CHAF1B: variants seen among roughly 807,000 people sequenced by gnomAD.
CHAF1B encodes the protein chromatin assembly factor 1 subunit B.
In CHAF1B, 10 loss-of-function variants were observed where a neutral mutation model predicts 60.7. The observed-to-expected ratio is 0.16, with a 90% CI of 0.10 to 0.28. The LOEUF is 0.28. CHAF1B is among the 10% of genes least tolerant of loss of function. CHAF1B has a pLI of 1.00. For synonymous variants in CHAF1B, 261 were observed against 266.1 expected, an observed-to-expected ratio of 0.98 and a Z score of 0.19; for missense variants, 558 against 708.4, an observed-to-expected ratio of 0.79 and a Z score of 2.41.
At position 36,409,430 on chromosome 21, in the gene CHAF1B, C is replaced by T. The variant is rs1365057449; in HGVS notation, c.884C>T (p.Pro295Leu). 6.2e-7 allele frequency: 1 copy of T among 1,613,798 alleles called. No individual in the cohort carries two copies. Reference sequence around the variant, plus strand: ...GCCACTCTTGCTGTTCGCTGCTGTCCGGTCTACTTTGAACTGAGGCCAGTG... The same window carrying T: ...GCCACTCTTGCTGTTCGCTGCTGTCTGGTCTACTTTGAACTGAGGCCAGTG... ...GKATLAVRCC[P>L]VYFELRPVVE... is the part of the protein sequence containing the mutation. The change falls in exon 10 of 14, where the codon CCG (proline) becomes CTG (leucine). Residue 295 changes from proline to leucine, a missense_variant. This residue lies in a region of CHAF1B where 325 missense variants were observed against 493.5 expected (regional missense o/e 0.66). Transcript: ENST00000314103.
At chr21:36,404,778 C>G (rs936303840) in intron 8 of CHAF1B, among the ~76,000 whole-genome samples, 6 of 101,824 alleles carry the variant, frequency 5.9e-5, no homozygotes, top group African/African-American at 2.3e-4. Context: ...GAGTCTCGCT[C>G]TGTCACCCAG....
intron 3 of CHAF1B, 88 bp downstream of exon 3, chr21:36,387,818 T>C: frequency 7.1e-7 from 1 of 1,408,742 alleles, no homozygotes; most frequent in Admixed American, 2.1e-5. Context: ...GAGCTGGATA[T>C]GCTTTTTTTT....
At chr21:36,393,019 G>A (rs923430790) in intron 4 of CHAF1B, among the ~76,000 whole-genome samples, 1 of 152,174 alleles carries the variant, frequency 6.6e-6, no homozygotes, top group Non-Finnish European at 1.5e-5. Context: ...AGACCAGCCC[G>A]GCCAACACAG....
chr21:36,406,273 A>C (rs1424151159), intron 8 of CHAF1B, among the ~76,000 whole-genome samples: 1 of 152,160 alleles, frequency 6.6e-6, no homozygotes, highest in Non-Finnish European at 1.5e-5. Flanking sequence ...GGAAGTGTTG[A>C]GATTGGACAA....
At chr21:36,395,078 A>G (rs1476144561) in intron 5 of CHAF1B, among the ~76,000 whole-genome samples, 1 of 149,806 alleles carries the variant, frequency 6.7e-6, no homozygotes, top group Non-Finnish European at 1.5e-5. Flanking sequence ...TTGGAGACGG[A>G]GTTTCGCTCT....
intron 11 of CHAF1B, among the ~76,000 whole-genome samples, chr21:36,412,276 C>G (rs547901182): frequency 6.6e-6 from 1 of 152,340 alleles, no homozygotes; most frequent in East Asian, 1.9e-4. Flanking sequence ...GTGCCCCAAG[C>G]TGGGCCTGTG....
Position 36,416,446 on chromosome 21 carries a change from C to T in CHAF1B, c.*80C>T, listed in dbSNP as rs2086320608. On this transcript the variant is annotated 3_prime_UTR_variant, in exon 14 of 14. Coordinates refer to ENST00000314103, the MANE Select transcript of CHAF1B (RefSeq NM_005441.3). ...CGGTAAAGCTGGAGGTGCCTGAGACCAGGGCTTCCATGGAGCGGGACACAC... is the reference window on the plus strand; with the variant it reads ...CGGTAAAGCTGGAGGTGCCTGAGACTAGGGCTTCCATGGAGCGGGACACAC... 2.7e-6 allele frequency: 3 copies of T among 1,128,580 alleles called. No homozygotes were observed. The highest frequency in any genetic ancestry group is 3.9e-6 in the Non-Finnish European group (3 of 776,748). The allele number at this position is 1,128,580 out of a possible 1,614,324, so 69.9% of individuals were successfully genotyped here. A position where few individuals can be genotyped will look rare whatever the true frequency, so the allele number is the denominator to read the frequency against.
intron 6 of CHAF1B, among the ~76,000 whole-genome samples, chr21:36,398,654 C>T (rs1402778657): frequency 6.6e-6 from 1 of 152,194 alleles, no homozygotes; most frequent in East Asian, 1.9e-4. Context: ...GCCACCTCGC[C>T]CAGCCCAGTT....
At chr21:36,393,446 CTTTTTTTTTTT>C (rs748789062) in intron 4 of CHAF1B, among the ~76,000 whole-genome samples, 1 of 115,140 alleles carries the variant, frequency 8.7e-6, no homozygotes, top group African/African-American at 3.4e-5. Flanking sequence ...TACAGCTATC[CTTTTTTTTTTT>C]TTTTTTTTTT....
At chr21:36,386,411 C>T (rs2086035146) in intron 2 of CHAF1B, 149 bp downstream of exon 2, 2 of 992,020 alleles carry the variant, frequency 2.0e-6, no homozygotes, top group African/African-American at 1.6e-5. Flanking sequence ...TCGCTTGAGT[C>T]CAGGAGTTCG....
At chr21:36,415,842 TC>T (rs1391958626) in intron 13 of CHAF1B, 3 of 365,664 alleles carry the variant, frequency 8.2e-6, no homozygotes, top group Non-Finnish European at 1.6e-5. Context: ...AGCCTCCACC[TC>T]CCACGTTCAA....
At position 36,394,638 on chromosome 21, in the gene CHAF1B, G is replaced by A. The variant is rs987225119; in HGVS notation, c.469G>A (p.Asp157Asn). 6 of 1,606,016 alleles carry A rather than the reference G, an allele frequency of 3.7e-6. No homozygotes were observed. The African/African-American group carries it at 6.7e-5, about 18-fold the overall frequency. Residue 157 changes from aspartate to asparagine, a missense_variant, in exon 5 of 14, where the codon GAT (aspartate) becomes AAT (asparagine). This residue lies in a region of CHAF1B where 325 missense variants were observed against 493.5 expected (regional missense o/e 0.66). Transcript: ENST00000314103. ...TGTGGATAACACAGCCATCATATGG[G>A]ATGTCAGCAAAGGTAAATGATATAT... ...ASVDNTAIIW[D>N]VSKGQKISIF...
intron 4 of CHAF1B, among the ~76,000 whole-genome samples, chr21:36,391,907 A>ATTTTTTTTTTTTTTTTTT (rs55920360): frequency 1.9e-4 from 13 of 67,040 alleles, no homozygotes; most frequent in African/African-American, 8.8e-4. Context: ...TGATTTTTAA[A>ATTTTTTTTTTTTTTTTTT]TTTTTTTTTT....
At position 36,386,043 on chromosome 21, in the gene CHAF1B, G is replaced by A; in HGVS notation, c.-77-17G>A. 3 of 1,503,868 alleles carry A rather than the reference G, an allele frequency of 2.0e-6. No homozygotes were observed. The highest frequency in any genetic ancestry group is 4.5e-5 in the East Asian group (2 of 44,120). The allele number at this position is 1,503,868 out of a possible 1,614,324, so 93.2% of individuals were successfully genotyped here. On this transcript the variant is annotated splice_polypyrimidine_tract_variant and intron_variant, in intron 1 of 13. Coordinates refer to ENST00000314103, the MANE Select transcript of CHAF1B (RefSeq NM_005441.3). The stretch of plus-strand genomic sequence containing the variant: ...ACCCTTTGCTGCTGTTAACACTGTT[G>A]TTTAATCCATCACCAGCATTTTGCA...
chr21:36,392,691 C>T (rs1017119768), intron 4 of CHAF1B, among the ~76,000 whole-genome samples: 5 of 145,650 alleles, frequency 3.4e-5, no homozygotes, highest in African/African-American at 7.7e-5. Context: ...ACTTCTCAGA[C>T]GGGGCGGCCG....
intron 3 of CHAF1B, among the ~76,000 whole-genome samples, chr21:36,389,800 T>TGTGTGCGC: frequency 0.023 from 2,843 of 124,602 alleles, 49 homozygotes; most frequent in South Asian, 0.062. Flanking sequence ...TGTGTGTGTG[T>TGTGTGCGC]GCGCGCGCAC....
chr21:36,389,796 T>TGCGCGC (rs1263503885), intron 3 of CHAF1B, among the ~76,000 whole-genome samples: 37 of 109,706 alleles, frequency 3.4e-4, no homozygotes, highest in African/African-American at 1.5e-3. Context: ...TGTGTGTGTG[T>TGCGCGC]GTGTGCGCGC....
intron 7 of CHAF1B, among the ~76,000 whole-genome samples, chr21:36,401,473 A>G (rs1490157102): frequency 3.9e-3 from 62 of 16,052 alleles, no homozygotes; most frequent in South Asian, 0.01. Flanking sequence ...TATACATAAT[A>G]TATATTTTTA....
intron 12 of CHAF1B, among the ~76,000 whole-genome samples, chr21:36,414,467 T>C (rs573095224): frequency 6.6e-6 from 1 of 152,382 alleles, no homozygotes; most frequent in East Asian, 1.9e-4. Flanking sequence ...TGTTTTTATG[T>C]GACGGAAGGT....
Sources: gnomAD v4.1 joint callset for allele counts (sites outside exome capture counted in the v4.1 genomes callset) on GRCh38, gnomAD v4.1.1 for gene constraint, gnomAD v4.1.1 regional missense constraint, MANE v1.5 for transcripts, NCBI Gene and HGNC (gene_info 2026-07-23, HGNC 2026-07-21) for gene names.